Variants in ARAF observed in about 807,000 individuals in gnomAD.
The protein encoded by ARAF is serine/threonine-protein kinase A-Raf.
In ARAF, 18 loss-of-function variants were observed where a neutral mutation model predicts 48.0. That is an observed-to-expected ratio of 0.37 (90% CI 0.26 to 0.56). ARAF has a LOEUF of 0.56. ARAF is among the 20% of genes least tolerant of loss of function. The probability of loss-of-function intolerance (pLI) is 0.77; values close to 1 mark genes in which losing one functional copy is unlikely to be tolerated. For missense variants in ARAF, 389 were observed against 543.1 expected (o/e 0.72, Z 2.82); for synonymous variants, 207 against 220.1 (o/e 0.94, Z 0.53).
chrX:47,570,105 CTG>C lies in ARAF; in HGVS notation c.1551+82_1551+83del, dbSNP rs746478186. The C allele has an allele frequency of 3.3e-4, 354 of 1,066,364 alleles. 1 individual carries two copies. The African/African-American group carries it at 6.1e-3, about 18-fold the overall frequency. 87.9% of individuals were successfully genotyped at this position (1,066,364 alleles called of 1,213,427 possible). On this transcript the variant is annotated intron_variant, in intron 14 of 15. Coordinates refer to ENST00000377045, the MANE Select transcript of ARAF (RefSeq NM_001654.5). Reference sequence around the variant, plus strand: ...CATACCCCACATCCCCTCCTTTGCACTGATAAATGCCACACTTTCCCCAGAAA... The same window carrying C: ...CATACCCCACATCCCCTCCTTTGCACATAAATGCCACACTTTCCCCAGAAA...
chrX:47,563,470 A>G (rs1342869779), intron 3 of ARAF, 141 bp downstream of exon 3: 6 of 500,620 alleles, frequency 1.2e-5, no homozygotes, highest in African/African-American at 1.2e-4. Context: ...TCTGCAGGGT[A>G]CATGTTCCAA....
Position 47,565,071 on chromosome X carries a change from C to T in ARAF, c.390C>T (p.Tyr130=). 1 of 1,211,355 alleles carries T rather than the reference C, an allele frequency of 8.3e-7. No homozygotes were observed. Among genetic ancestry groups the T allele is most frequent in the Non-Finnish European group, 1.1e-6 (1 of 895,309 alleles). ...FHGFRCQTCG[Y]KFHQHCSSKV... ...GCTTCCGTTGCCAAACCTGTGGCTA[C>T]AAGTTCCACCAGCATTGTTCCTCCA... The change falls in exon 5 of 16, where the codon TAC becomes TAT. Residue 130 remains tyrosine, a synonymous_variant. Transcript: ENST00000377045.
At chrX:47,567,699 C>T (rs1260437010) in intron 10 of ARAF, among the ~76,000 whole-genome samples, 2 of 111,204 alleles carry the variant, frequency 1.8e-5, no homozygotes, top group Non-Finnish European at 3.8e-5. Context: ...TTGCCTGCTG[C>T]GAACTGGGTC....
Position 47,571,544 on chromosome X carries a change from T to C in ARAF, c.*87T>C. 1 of 1,081,671 alleles carries C rather than the reference T, an allele frequency of 9.2e-7. No homozygotes were observed. Among genetic ancestry groups the C allele is most frequent in the Admixed American group, 3.0e-5 (1 of 33,341 alleles). The allele number at this position is 1,081,671 out of a possible 1,213,427, so 89.1% of individuals were successfully genotyped here. A position where few individuals can be genotyped will look rare whatever the true frequency, so the allele number is the denominator to read the frequency against. Reference sequence around the variant, plus strand: ...AGCCAATCAATGTTCGTCTCTGCCCTGATGCTGCCTCAGGATCCCCCATTC... The same window carrying C: ...AGCCAATCAATGTTCGTCTCTGCCCCGATGCTGCCTCAGGATCCCCCATTC... On this transcript the variant is annotated 3_prime_UTR_variant, in exon 16 of 16. Coordinates refer to ENST00000377045, the MANE Select transcript of ARAF (RefSeq NM_001654.5).
At position 47,564,881 on chromosome X, in the gene ARAF, G is replaced by T; in HGVS notation, c.285G>T (p.Pro95=). The change falls in exon 4 of 16, where the codon CCG becomes CCT. Residue 95 remains proline (P), a synonymous_variant. Transcript: ENST00000377045. ...ELIVEVLEDV[P]LTMHNFVRKT... is the part of the protein sequence containing the mutation. The stretch of plus-strand genomic sequence containing the variant: ...TTGTCGAGGTCCTTGAAGATGTCCC[G>T]CTGACCATGCACAATTTTGTGAGTG... 1.7e-6 allele frequency: 2 copies of T among 1,211,228 alleles called. No homozygotes were observed. Among genetic ancestry groups the T allele is most frequent in the Non-Finnish European group, 2.2e-6 (2 of 895,106 alleles).
chrX:47,561,393 G>A (rs2057707207), intron 1 of ARAF, 142 bp downstream of exon 1: 1 of 111,973 alleles, frequency 8.9e-6, no homozygotes, highest in Admixed American at 9.4e-5. Context: ...GGTTTGACCC[G>A]GGGCGAGACC....
chrX:47,568,641 G>C, intron 10 of ARAF, 77 bp from the exon 11 acceptor site: 2 of 1,058,319 alleles, frequency 1.9e-6, no homozygotes, highest in African/African-American at 1.8e-5. Flanking sequence ...GTAAAGAACA[G>C]TGCCACTCCT....
intron 10 of ARAF, 45 bp from the exon 11 acceptor site, chrX:47,568,673 G>T: frequency 8.5e-7 from 1 of 1,179,178 alleles, no homozygotes; most frequent in Non-Finnish European, 1.2e-6. Context: ...AGTGACAGTT[G>T]CTATTTTTCC....
chrX:47,570,017 G>A lies in ARAF; in HGVS notation c.1544G>A (p.Arg515His), dbSNP rs773696719. 6.7e-6 allele frequency: 8 copies of A among 1,202,758 alleles called. No homozygotes were observed. The highest frequency in any genetic ancestry group is 6.0e-5 in the East Asian group (2 of 33,578). ...GSLPYSHIGC[R>H]DQIIFMVGRG... ...CTGCCTTACAGCCACATTGGCTGCC[G>A]TGACCAGGTGAGCCCCACACCTTAC... The change falls in exon 14 of 16, where the codon CGT becomes CAT. Residue 515 changes from arginine to histidine, a missense_variant. This residue lies in a region of ARAF where 170 missense variants were observed against 281.4 expected (regional missense o/e 0.60). Coordinates refer to ENST00000377045, the MANE Select transcript of ARAF (RefSeq NM_001654.5).
chrX:47,569,836 G>A (rs1450175472), intron 13 of ARAF, 57 bp from the exon 14 acceptor site: 2 of 1,178,903 alleles, frequency 1.7e-6, no homozygotes, highest in African/African-American at 1.8e-5. Flanking sequence ...ATCTGGGACT[G>A]TGGACCAGCC....
chrX:47,568,988 T>C lies in ARAF; in HGVS notation c.1255T>C (p.Tyr419His). The part of the protein sequence containing the change: ...VARQTAQGMD[Y>H]LHAKNIIHRD... Reference sequence around the variant, plus strand: ...CGCCACCTGCCTCCACCCCCACAGCTACCTCCATGCCAAGAACATCATCCA... The same window carrying C: ...CGCCACCTGCCTCCACCCCCACAGCCACCTCCATGCCAAGAACATCATCCA... Residue 419 changes from tyrosine (Y) to histidine (H), a missense_variant and splice_region_variant, in exon 12 of 16, where the codon TAC becomes CAC. This residue lies in a region of ARAF where 170 missense variants were observed against 281.4 expected (regional missense o/e 0.60). Transcript: ENST00000377045. 1 of 1,204,310 alleles carries C rather than the reference T, an allele frequency of 8.3e-7. No individual in the cohort carries two copies. The highest frequency in any genetic ancestry group is 1.1e-6 in the Non-Finnish European group (1 of 891,982).
At chrX:47,565,222 C>G (rs2057727495) in intron 5 of ARAF, 30 bp from the exon 6 acceptor site, 1 of 1,208,017 alleles carries the variant, frequency 8.3e-7, no homozygotes, top group African/African-American at 1.8e-5. Flanking sequence ...GACCCGTGTC[C>G]CCTTGCTTTA....
At chrX:47,570,742 G>T in intron 14 of ARAF, 136 bp from the exon 15 acceptor site, 2 of 585,824 alleles carry the variant, frequency 3.4e-6, no homozygotes, top group East Asian at 3.6e-5. Context: ...CAAGGACAGA[G>T]AATCCTCTGG....
At chrX:47,567,948 C>T (rs2057740402) in intron 10 of ARAF, among the ~76,000 whole-genome samples, 1 of 111,291 alleles carries the variant, frequency 9.0e-6, no homozygotes, top group Admixed American at 9.6e-5. Context: ...GCTAAGAAAG[C>T]CAGGTGTCTC....
At chrX:47,567,157 G>A (rs2147906899) in intron 9 of ARAF, 26 bp downstream of exon 9, 3 of 1,209,034 alleles carry the variant, frequency 2.5e-6, no homozygotes, top group African/African-American at 1.7e-5. Context: ...ATCCTTTTGG[G>A]GCCACCAAGG....
At chrX:47,565,185 C>G in intron 5 of ARAF, 46 bp downstream of exon 5, 1 of 1,208,673 alleles carries the variant, frequency 8.3e-7, no homozygotes. Flanking sequence ...GCACAGAGGC[C>G]CAGCCACGAG....
chrX:47,565,413 A>T, intron 6 of ARAF, 63 bp downstream of exon 6: 1 of 1,150,566 alleles, frequency 8.7e-7, no homozygotes, highest in Non-Finnish European at 1.2e-6. Context: ...CTTGTAGACC[A>T]CGAGCCATAC....
In ARAF at chrX:47,566,270, A is replaced by G. The variant is rs932920484; in HGVS notation, c.558-369A>G. Among the ~76,000 whole-genome samples, 4 of 111,960 alleles carry G rather than the reference A, an allele frequency of 3.6e-5. No homozygotes were observed. The Admixed American group carries it at 3.8e-4, about 11-fold the overall frequency. On this transcript the variant is annotated intron_variant, in intron 6 of 15. Transcript: ENST00000377045. ...TATCCTGCCTTTAGGCGTTTACTCC[A>G]TTGTCATCTCCTCCTCAGAGAAACC...
intron 1 of ARAF, among the ~76,000 whole-genome samples, chrX:47,562,299 C>T (rs2057712769): frequency 9.2e-6 from 1 of 109,261 alleles, no homozygotes. Flanking sequence ...GCCTGGCCAA[C>T]ATGGTGAAAC....
Sources: gnomAD v4.1 joint callset for allele counts (sites outside exome capture counted in the v4.1 genomes callset) on GRCh38, gnomAD v4.1.1 for gene constraint, gnomAD v4.1.1 regional missense constraint, MANE v1.5 for transcripts, NCBI Gene and HGNC (gene_info 2026-07-23, HGNC 2026-07-21) for gene names.